Variants in WRN observed in about 807,000 individuals in gnomAD.
WRN encodes the protein WRN RecQ like helicase.
Under a neutral mutation model 180.7 loss-of-function variants are expected in WRN, and 149 were observed. That is an observed-to-expected ratio of 0.82 (90% CI 0.72 to 0.94). WRN has a LOEUF of 0.94. Among genes scored for constraint, WRN ranks in the 40% least tolerant of loss-of-function variants. WRN has a pLI of 0.00. For missense variants in WRN, 1,661 were observed against 1,700.1 expected, an observed-to-expected ratio of 0.98 and a Z score of 0.40; for synonymous variants, 548 against 568.9, an observed-to-expected ratio of 0.96 and a Z score of 0.52.
chr8:31,053,369 C>T (rs957680543), intron 1 of WRN, among the ~76,000 whole-genome samples: 8 of 152,078 alleles, frequency 5.3e-5, no homozygotes, highest in Non-Finnish European at 1.0e-4. Context: ...TTAAAACTTG[C>T]CTGTGGTTTG....
chr8:31,052,341 G>A (rs1220081606), intron 1 of WRN, among the ~76,000 whole-genome samples: 1 of 151,370 alleles, frequency 6.6e-6, no homozygotes, highest in Non-Finnish European at 1.5e-5. Flanking sequence ...GGTATACATT[G>A]CTCCAGACTT....
At chr8:31,172,722 C>A (rs2130529069) in intron 34 of WRN, among the ~76,000 whole-genome samples, 1 of 152,266 alleles carries the variant, frequency 6.6e-6, no homozygotes, top group South Asian at 2.1e-4. Context: ...GAAATAATGT[C>A]CAGATTTTTA....
chr8:31,123,692 G>A (rs564454800), intron 21 of WRN, among the ~76,000 whole-genome samples: 1 of 152,036 alleles, frequency 6.6e-6, no homozygotes, highest in Non-Finnish European at 1.5e-5. Flanking sequence ...GATATTATAA[G>A]TAAATCGTTG....
chr8:31,144,281 G>C (rs1802775676), intron 28 of WRN, among the ~76,000 whole-genome samples: 1 of 150,912 alleles, frequency 6.6e-6, no homozygotes, highest in Non-Finnish European at 1.5e-5. Context: ...CCTGTTCCCT[G>C]AGATACAACA....
At chr8:31,115,265 T>G (rs1212034212) in intron 19 of WRN, among the ~76,000 whole-genome samples, 2 of 152,206 alleles carry the variant, frequency 1.3e-5, no homozygotes, top group Non-Finnish European at 2.9e-5. Flanking sequence ...CACTGTGAAT[T>G]TTTGATATTG....
chr8:31,172,008 C>T (rs1323783070), intron 34 of WRN, among the ~76,000 whole-genome samples: 1 of 152,134 alleles, frequency 6.6e-6, no homozygotes, highest in Non-Finnish European at 1.5e-5. Context: ...ATTTCTCTGT[C>T]ATGTTATCCT....
At position 31,090,907 on chromosome 8, in the gene WRN, T is replaced by G. The variant is rs1252596285; in HGVS notation, c.1794T>G (p.Leu598=). ...VGKIGLVISP[L]ISLMEDQVLQ... ...AGATTGGCCTTGTTATCTCTCCCCTTATTTCTCTGATGGAAGACCAAGTGC... is the reference window on the plus strand; with the variant it reads ...AGATTGGCCTTGTTATCTCTCCCCTGATTTCTCTGATGGAAGACCAAGTGC... The change falls in exon 15 of 35, where the codon CTT becomes CTG. Residue 598 remains leucine, a synonymous_variant. Transcript: ENST00000298139. The G allele has an allele frequency of 6.2e-7, 1 of 1,612,928 alleles. No individual in the cohort carries two copies. Among genetic ancestry groups the G allele is most frequent in the Non-Finnish European group, 8.5e-7 (1 of 1,179,260 alleles).
chr8:31,086,412 A>G (rs1813531969), intron 11 of WRN, among the ~76,000 whole-genome samples: 1 of 151,984 alleles, frequency 6.6e-6, no homozygotes, highest in Admixed American at 6.5e-5. Context: ...CTCTCTCCAG[A>G]AAAATACAAG....
chr8:31,084,418 A>G (rs1418271992), intron 10 of WRN, among the ~76,000 whole-genome samples: 1 of 152,014 alleles, frequency 6.6e-6, no homozygotes, highest in Non-Finnish European at 1.5e-5. Flanking sequence ...ACTTTTTTTT[A>G]AAAAAAGAAC....
intron 7 of WRN, 107 bp from the exon 8 acceptor site, chr8:31,076,065 TA>T: frequency 1.1e-6 from 1 of 920,258 alleles, no homozygotes; most frequent in Non-Finnish European, 1.8e-6. Flanking sequence ...GGAATTCATT[TA>T]AGGAAAGAAA....
chr8:31,134,326 G>C (rs577549222), intron 24 of WRN, among the ~76,000 whole-genome samples: 2 of 152,272 alleles, frequency 1.3e-5, no homozygotes, highest in African/African-American at 4.8e-5. Flanking sequence ...TTGGAGTTTA[G>C]TTAAAGAGAT....
At chr8:31,172,920 T>G (rs930702251) in intron 34 of WRN, 75 bp from the exon 35 acceptor site, 1 of 1,307,576 alleles carries the variant, frequency 7.6e-7, no homozygotes. Flanking sequence ...CAGGAACTTA[T>G]GTTACTTTTT....
rs1804003393 is a variant in WRN, at chr8:31,169,005, G to T, written c.4191+1775G>T. On this transcript the variant is annotated intron_variant, in intron 34 of 34. Coordinates refer to ENST00000298139, the MANE Select transcript of WRN (RefSeq NM_000553.6). Reference sequence around the variant, plus strand: ...AATATTTAGTATTCTTTTATTTCTGGAAAGTTTTCTTAAATGATAGTTTTT... The same window carrying T: ...AATATTTAGTATTCTTTTATTTCTGTAAAGTTTTCTTAAATGATAGTTTTT... 2.0e-5 allele frequency among the ~76,000 whole-genome samples: 3 copies of T among 151,950 alleles called. No individual in the cohort carries two copies. In the South Asian group the frequency reaches 6.2e-4, roughly 32 times the overall value.
In WRN at chr8:31,132,594, G is replaced by A. The variant is rs2252480; in HGVS notation, c.2967+88G>A. ...AGAGGTTTGCAGTATTATGATTGTA[G>A]CTTTGACTTCAGATGGGTGACTAGG... is the stretch of plus-strand genomic sequence containing the variant. On this transcript the variant is annotated intron_variant, in intron 24 of 34. Coordinates refer to ENST00000298139, the MANE Select transcript of WRN (RefSeq NM_000553.6). The A allele has an allele frequency of 0.4, 625,176 of 1,578,496 alleles. 126,600 individuals are homozygous for A. Among genetic ancestry groups the A allele is most frequent in the East Asian group, 0.61 (27,101 of 44,656 alleles).
intron 23 of WRN, among the ~76,000 whole-genome samples, chr8:31,125,552 A>ATATATATATATATATATG (rs1563366246): frequency 1.6e-5 from 2 of 127,194 alleles, no homozygotes; most frequent in Non-Finnish European, 3.4e-5. Context: ...ATATATATAT[A>ATATATATATATATATATG]TATATATATA....
intron 23 of WRN, among the ~76,000 whole-genome samples, chr8:31,128,170 A>G (rs780543969): frequency 2.6e-5 from 4 of 152,186 alleles, no homozygotes; most frequent in Non-Finnish European, 5.9e-5. Flanking sequence ...ATCCACCATC[A>G]AAGTGGGAGA....
At position 31,167,194 on chromosome 8, in the gene WRN, T is replaced by C. The variant is rs1470631669; in HGVS notation, c.4155T>C (p.Ser1385=). ...GTTCTGAAGAGATCTGTTCAAGTTC[T>C]AAGAGAAGCAAGGAAGAAGTAGGCA... The part of the protein sequence containing the change: ...FPGSEEICSS[S]KRSKEEVGIN... The change falls in exon 34 of 35, where the codon TCT becomes TCC. Residue 1385 remains serine (S), a synonymous_variant. Transcript: ENST00000298139. The C allele has an allele frequency of 6.2e-7, 1 of 1,613,242 alleles. No individual in the cohort carries two copies. The highest frequency in any genetic ancestry group is 8.5e-7 in the Non-Finnish European group (1 of 1,179,418).
intron 16 of WRN, among the ~76,000 whole-genome samples, chr8:31,093,186 G>T (rs537314933): frequency 2.2e-4 from 34 of 152,244 alleles, no homozygotes; most frequent in Non-Finnish European, 4.6e-4. Flanking sequence ...ATTGTTTCCA[G>T]TTTTGGATTA....
Position 31,173,043 on chromosome 8 carries a change from G to C in WRN, c.4240G>C (p.Gly1414Arg), listed in dbSNP as rs747685773. 2.5e-6 allele frequency: 4 copies of C among 1,614,026 alleles called. No individual in the cohort carries two copies. The South Asian group carries it at 4.4e-5, about 18-fold the overall frequency. The change falls in exon 35 of 35, where the codon GGA (glycine) becomes CGA (arginine). Residue 1414 changes from glycine (G) to arginine (R), a missense_variant. Transcript: ENST00000298139. ...KRRLPVWFAK[G>R]SDTSKKLMDK... ...ACGATTACCTGTGTGGTTTGCCAAA[G>C]GAAGTGATACCAGCAAGAAATTAAT...
Sources: allele counts gnomAD v4.1 joint callset (sites outside exome capture counted in the v4.1 genomes callset), GRCh38; gene constraint gnomAD v4.1.1; transcripts MANE v1.5; gene names NCBI Gene and HGNC (gene_info 2026-07-23, HGNC 2026-07-21).